Variants in SNRK observed in about 807,000 individuals in gnomAD.
SNRK encodes SNF related kinase.
In SNRK, 3 loss-of-function variants were observed where a neutral mutation model predicts 48.2. The ratio of observed to expected loss-of-function variants is 0.06; its 90% CI spans 0.03 to 0.16. The LOEUF (loss-of-function observed/expected upper bound fraction) is 0.16. Among genes scored for constraint, SNRK ranks in the 10% least tolerant of loss-of-function variants. SNRK has a pLI of 1.00. For missense variants in SNRK, 627 were observed against 976.0 expected (o/e 0.64, Z 4.76); for synonymous variants, 376 against 366.1 (o/e 1.03, Z -0.31).
rs866337709 is a variant in SNRK, at chr3:43,339,871, A to G, written c.732-416A>G. Among the ~76,000 whole-genome samples the G allele has an allele frequency of 2.7e-3, 263 of 96,274 alleles. 4 individuals carry two copies. The highest frequency in any genetic ancestry group is 8.7e-3 in the African/African-American group (237 of 27,384). The allele number at this position is 96,274 out of a possible 152,430, so 63.2% of individuals were successfully genotyped here. On this transcript the variant is annotated intron_variant, in intron 4 of 6. Transcript: ENST00000296088. Reference sequence around the variant, plus strand: ...TATATATATATATATATATATATATATATGTTACATGGTATTTTAGTTGTT... The same window carrying G: ...TATATATATATATATATATATATATGTATGTTACATGGTATTTTAGTTGTT...
chr3:43,343,265 A>C, intron 5 of SNRK, 79 bp from the exon 6 acceptor site: 1 of 1,483,144 alleles, frequency 6.7e-7, no homozygotes, highest in Non-Finnish European at 9.0e-7. Context: ...ACTTGCTTGT[A>C]CTTTTAAAAA....
chr3:43,348,522 G>A lies in SNRK; in HGVS notation c.2263G>A (p.Ala755Thr), dbSNP rs748346256. The change falls in exon 7 of 7, where the codon GCA becomes ACA. Residue 755 changes from alanine (A) to threonine (T), a missense_variant. By Grantham distance (58) the Ala-to-Thr change is moderately conservative. Coordinates refer to ENST00000296088, the MANE Select transcript of SNRK (RefSeq NM_017719.5). The stretch of plus-strand genomic sequence containing the variant: ...GAACCCTAAGGAGGGGCTGCTGTGC[G>A]CATCCAGCCCAGCCAGCTGTTGCCA... ...QRNPKEGLLC[A>T]SSPASCCHVI 24 of 1,550,854 alleles carry A rather than the reference G, an allele frequency of 1.5e-5. No individual in the cohort carries two copies. Among genetic ancestry groups the A allele is most frequent in the Non-Finnish European group, 1.9e-5 (22 of 1,151,876 alleles).
chr3:43,344,323 C>T lies in SNRK; in HGVS notation c.1079+845C>T, dbSNP rs550043276. Among the ~76,000 whole-genome samples the T allele has an allele frequency of 1.9e-4, 29 of 152,168 alleles. No homozygotes were observed. In the East Asian group the frequency reaches 4.4e-3, roughly 23 times the overall value. ...TTCATTATCATCATGAAATTTATTTCGAGTTTATGCACTCAGATAAAGTAA... is the reference window on the plus strand; with the variant it reads ...TTCATTATCATCATGAAATTTATTTTGAGTTTATGCACTCAGATAAAGTAA... On this transcript the variant is annotated intron_variant, in intron 6 of 6. Coordinates refer to ENST00000296088, the MANE Select transcript of SNRK (RefSeq NM_017719.5).
At chr3:43,326,576 T>C (rs939731679) in intron 3 of SNRK, among the ~76,000 whole-genome samples, 2 of 152,034 alleles carry the variant, frequency 1.3e-5, no homozygotes, top group Non-Finnish European at 2.9e-5. Context: ...GGTTTCTGAG[T>C]TGGAGGGCAG....
At chr3:43,312,354 A>G (rs1433390923) in intron 3 of SNRK, among the ~76,000 whole-genome samples, 1 of 152,238 alleles carries the variant, frequency 6.6e-6, no homozygotes, top group African/African-American at 2.4e-5. Flanking sequence ...GAAATTGTTT[A>G]GAGTCATGGG....
chr3:43,295,982 A>C (rs1293518698), intron 1 of SNRK, among the ~76,000 whole-genome samples: 10 of 152,056 alleles, frequency 6.6e-5, no homozygotes, highest in Admixed American at 6.5e-4. Context: ...CAAGTAATCT[A>C]TCCGCTTTGG....
chr3:43,322,903 G>A (rs2091064976), intron 3 of SNRK, among the ~76,000 whole-genome samples: 1 of 124,056 alleles, frequency 8.1e-6, no homozygotes, highest in Non-Finnish European at 1.6e-5. Context: ...AGTGAGCCGA[G>A]ACCGTGCCAC....
rs577418654 is a variant in SNRK at position 43,336,247 on chromosome 3, T to C, written c.731+3937T>C. On this transcript the variant is annotated intron_variant, in intron 4 of 6. Coordinates refer to ENST00000296088, the MANE Select transcript of SNRK (RefSeq NM_017719.5). ...TTCCTTCCTCCCCTCTCTCCTTCCC[T>C]TTCCTCCCCTCCTTACCCTCCCTCC... Among the ~76,000 whole-genome samples the C allele has an allele frequency of 2.0e-5, 3 of 147,450 alleles. No individual in the cohort carries two copies. In the East Asian group the frequency reaches 6.3e-4, roughly 31 times the overall value.
intron 3 of SNRK, among the ~76,000 whole-genome samples, chr3:43,320,930 G>GTTTTTTTTTTTTT (rs11327863): frequency 7.5e-6 from 1 of 133,534 alleles, no homozygotes; most frequent in African/African-American, 2.8e-5. Context: ...TTTTTTCAAG[G>GTTTTTTTTTTTTT]TTTTTTTTTT....
At chr3:43,295,306 C>G (rs574726640) in intron 1 of SNRK, among the ~76,000 whole-genome samples, 40 of 152,348 alleles carry the variant, frequency 2.6e-4, no homozygotes, top group African/African-American at 9.6e-4. Flanking sequence ...ACCAGTACTT[C>G]AAGGATTCTG....
intron 3 of SNRK, among the ~76,000 whole-genome samples, chr3:43,327,568 C>A (rs1034632083): frequency 2.0e-5 from 3 of 152,122 alleles, no homozygotes; most frequent in African/African-American, 4.8e-5. Context: ...TCTGGACTTC[C>A]CATTTTTATT....
chr3:43,308,996 G>A (rs1385876991), intron 3 of SNRK, among the ~76,000 whole-genome samples: 3 of 152,162 alleles, frequency 2.0e-5, no homozygotes, highest in African/African-American at 7.2e-5. Context: ...GGATGACTTC[G>A]AGGGGTTCAC....
At chr3:43,288,982 C>A (rs1296855610) in intron 1 of SNRK, among the ~76,000 whole-genome samples, 4 of 152,176 alleles carry the variant, frequency 2.6e-5, no homozygotes, top group Non-Finnish European at 4.4e-5. Context: ...ATCATTTATT[C>A]ATGGAATGTT....
intron 4 of SNRK, among the ~76,000 whole-genome samples, chr3:43,339,453 A>C (rs2091215672): frequency 6.6e-6 from 1 of 152,112 alleles, no homozygotes; most frequent in Non-Finnish European, 1.5e-5. Flanking sequence ...GTTTTACTTC[A>C]TTTTTAGTTG....
chr3:43,326,531 C>G (rs900037804), intron 3 of SNRK, among the ~76,000 whole-genome samples: 1 of 152,050 alleles, frequency 6.6e-6, no homozygotes, highest in African/African-American at 2.4e-5. Context: ...TAATCACAGC[C>G]CATTGTAATG....
At chr3:43,340,699 A>G (rs2091229207) in intron 5 of SNRK, 200 bp downstream of exon 5, 6 of 575,152 alleles carry the variant, frequency 1.0e-5, no homozygotes, top group Non-Finnish European at 1.9e-5. Context: ...ATGCTAGTGA[A>G]CAAGTAAGCC....
At chr3:43,293,203 G>A (rs1056111980) in intron 1 of SNRK, among the ~76,000 whole-genome samples, 85 of 151,994 alleles carry the variant, frequency 5.6e-4, no homozygotes, top group African/African-American at 1.9e-3. Context: ...CTTGAGCTCC[G>A]GTGATCAGCC....
intron 6 of SNRK, among the ~76,000 whole-genome samples, chr3:43,344,461 A>G (rs968806435): frequency 1.3e-5 from 2 of 152,160 alleles, no homozygotes; most frequent in African/African-American, 2.4e-5. Flanking sequence ...GAATAATAAT[A>G]TTATGATTGT....
At chr3:43,291,541 G>A (rs2090812658) in intron 1 of SNRK, among the ~76,000 whole-genome samples, 1 of 152,014 alleles carries the variant, frequency 6.6e-6, no homozygotes, top group Admixed American at 6.6e-5. Flanking sequence ...TAAAGTTAGG[G>A]GGATAAAATC....
Sources: gnomAD v4.1 joint callset for allele counts (sites outside exome capture counted in the v4.1 genomes callset) on GRCh38, gnomAD v4.1.1 for gene constraint, MANE v1.5 for transcripts, NCBI Gene and HGNC (gene_info 2026-07-23, HGNC 2026-07-21) for gene names.